Variants in ZNHIT1 observed in about 807,000 individuals in gnomAD.
ZNHIT1 encodes the protein zinc finger HIT domain-containing protein 1.
In ZNHIT1, 20 loss-of-function variants were observed where a neutral mutation model predicts 21.4. That is an observed-to-expected ratio of 0.93 (90% CI 0.66 to 1.36). The LOEUF is 1.36. Ranked by LOEUF, ZNHIT1 falls within the 40% of genes most tolerant of loss-of-function variation. ZNHIT1 has a pLI of 0.00. For synonymous variants in ZNHIT1, 79 were observed against 84.0 expected, an observed-to-expected ratio of 0.94 and a Z score of 0.32; for missense variants, 170 against 213.5, an observed-to-expected ratio of 0.80 and a Z score of 1.27.
chr7:101,218,194 C>T lies in ZNHIT1; in HGVS notation c.-2C>T, dbSNP rs10215517. The T allele has an allele frequency of 3.9e-3, 6,333 of 1,613,354 alleles. 213 individuals are homozygous for T. The African/African-American group carries it at 0.075, about 19-fold the overall frequency. On this transcript the variant is annotated 5_prime_UTR_variant, in exon 1 of 5. Coordinates refer to ENST00000305105, the MANE Select transcript of ZNHIT1 (RefSeq NM_006349.3). Reference sequence around the variant, plus strand: ...GTTTCTTCCGACAGTTGTGTTGTGCCAATGGTGGAGAAGAAAACTTCGGGT... The same window carrying T: ...GTTTCTTCCGACAGTTGTGTTGTGCTAATGGTGGAGAAGAAAACTTCGGGT...
intron 1 of ZNHIT1, chr7:101,219,226 C>T (rs1428544026): frequency 6.6e-6 from 1 of 151,932 alleles, no homozygotes; most frequent in African/African-American, 2.4e-5. Context: ...ACCTCAGCCA[C>T]CTGAGTAGGT....
chr7:101,222,340 C>T (rs770750248), intron 1 of ZNHIT1: 135 of 464,384 alleles, frequency 2.9e-4, no homozygotes, highest in Non-Finnish European at 4.4e-4. Flanking sequence ...GTCTCCAGGC[C>T]GGGGCTCACT....
In ZNHIT1 at chr7:101,223,059, A is replaced by G. The variant is rs117058217; in HGVS notation, c.193+285A>G. The stretch of plus-strand genomic sequence containing the variant: ...ATTGGGGTGGAGGGCAGAGGCTGGT[A>G]GCGAGGGGCCGACTTAGAGCCAGGA... On this transcript the variant is annotated intron_variant, in intron 2 of 4. Coordinates refer to ENST00000305105, the MANE Select transcript of ZNHIT1 (RefSeq NM_006349.3). 3.0e-3 allele frequency among the ~76,000 whole-genome samples: 457 copies of G among 152,302 alleles called. 12 individuals carry two copies. The East Asian group carries it at 0.059, about 20-fold the overall frequency.
In ZNHIT1 at chr7:101,223,742, C is replaced by A; in HGVS notation, c.343C>A (p.Pro115Thr). 6.2e-7 allele frequency: 1 copy of A among 1,614,044 alleles called. No homozygotes were observed. The highest frequency in any genetic ancestry group is 8.5e-7 in the Non-Finnish European group (1 of 1,179,982). The change falls in exon 4 of 5, where the codon CCC (proline) becomes ACC (threonine). Residue 115 changes from proline to threonine, a missense_variant. By Grantham distance (38) the Pro-to-Thr change is conservative. Transcript: ENST00000305105. The stretch of plus-strand genomic sequence containing the variant: ...GGGACCCCCATCGCGGCCCCAGCGC[C>A]CCTTCTGTGCTGTCTGTGGCTTCCC... ...CAGPPSRPQR[P>T]FCAVCGFPSP... is the part of the protein sequence containing the mutation.
chr7:101,223,403 G>A (rs1798403658), intron 2 of ZNHIT1, 74 bp from the exon 3 acceptor site: 6 of 1,516,558 alleles, frequency 4.0e-6, no homozygotes, highest in Non-Finnish European at 5.5e-6. Flanking sequence ...ACATGGGCAT[G>A]GGGAGTGATG....
In ZNHIT1 at chr7:101,224,011, A is replaced by G. The variant is rs1381134155; in HGVS notation, c.*53A>G. 1.2e-6 allele frequency: 2 copies of G among 1,613,628 alleles called. No individual in the cohort carries two copies. The highest frequency in any genetic ancestry group is 3.3e-5 in the Admixed American group (2 of 59,964). On this transcript the variant is annotated 3_prime_UTR_variant, in exon 5 of 5. Coordinates refer to ENST00000305105, the MANE Select transcript of ZNHIT1 (RefSeq NM_006349.3). ...CGCTGTGCACTGCCCGGCCTTCAGA[A>G]AGACAGAATTTCATCACCCAATGCA...
Position 101,223,731 on chromosome 7 carries a change from G to A in ZNHIT1, c.332G>A (p.Arg111Gln), listed in dbSNP as rs923115364. 8 of 1,613,532 alleles carry A rather than the reference G, an allele frequency of 5.0e-6. No homozygotes were observed. The highest frequency in any genetic ancestry group is 1.1e-5 in the South Asian group (1 of 91,040). The change falls in exon 4 of 5, where the codon CGG (arginine) becomes CAG (glutamine). Residue 111 changes from arginine to glutamine, a missense_variant. Coordinates refer to ENST00000305105, the MANE Select transcript of ZNHIT1 (RefSeq NM_006349.3). ...ACGGCCTGTGCGGGACCCCCATCGC[G>A]GCCCCAGCGCCCCTTCTGTGCTGTC... ...YLTACAGPPS[R>Q]PQRPFCAVCG... is the part of the protein sequence containing the mutation.
At chr7:101,221,457 C>T (rs2116821321) in intron 1 of ZNHIT1, 1 of 152,122 alleles carries the variant, frequency 6.6e-6, no homozygotes, top group East Asian at 2.0e-4. Context: ...CTCCTGGCAT[C>T]AAGCGATCCT....
At chr7:101,223,584 C>A (rs1798406644) in intron 3 of ZNHIT1, 28 bp downstream of exon 3, 1 of 1,614,142 alleles carries the variant, frequency 6.2e-7, no homozygotes. Flanking sequence ...CTGGGAGGAC[C>A]CCACAGGGAA....
Position 101,222,333 on chromosome 7 carries a change from T to C in ZNHIT1, c.23-271T>C, listed in dbSNP as rs1798382466. ...CCTCCCCAGTCAGCAGTGAGCTGTC[T>C]CCAGGCCGGGGCTCACTGGCTGGGA... On this transcript the variant is annotated intron_variant, in intron 1 of 4. Coordinates refer to ENST00000305105, the MANE Select transcript of ZNHIT1 (RefSeq NM_006349.3). 6.7e-6 allele frequency: 3 copies of C among 450,234 alleles called. No homozygotes were observed. The East Asian group carries it at 1.1e-4, about 16-fold the overall frequency. The allele number at this position is 450,234 out of a possible 1,614,324, so 27.9% of individuals were successfully genotyped here.
At chr7:101,221,447 C>G (rs1036625447) in intron 1 of ZNHIT1, 1 of 152,084 alleles carries the variant, frequency 6.6e-6, no homozygotes, top group African/African-American at 2.4e-5. Context: ...TGGTTTCTAA[C>G]TCCTGGCATC....
chr7:101,222,209 G>A (rs1323317400), intron 1 of ZNHIT1: 1 of 186,632 alleles, frequency 5.4e-6, no homozygotes. Flanking sequence ...CCAAGCATGG[G>A]TGGCCCCTGG....
intron 2 of ZNHIT1, 131 bp downstream of exon 2, chr7:101,222,905 C>A: frequency 1.7e-6 from 2 of 1,153,136 alleles, no homozygotes; most frequent in Non-Finnish European, 2.4e-6. Flanking sequence ...TGGCTGTGAG[C>A]AACCACACCC....
intron 2 of ZNHIT1, among the ~76,000 whole-genome samples, chr7:101,222,995 C>T (rs572879289): frequency 6.6e-5 from 10 of 152,260 alleles, no homozygotes; most frequent in Non-Finnish European, 1.0e-4. Context: ...AAGCCTTAGG[C>T]TTGGGGGCAT....
chr7:101,222,736 G>A lies in ZNHIT1; in HGVS notation c.155G>A (p.Gly52Asp). The change falls in exon 2 of 5, where the codon GGC becomes GAC. Residue 52 changes from glycine to aspartate, a missense_variant. Physicochemically the swap from Gly to Asp is moderately conservative, Grantham distance 94. Coordinates refer to ENST00000305105, the MANE Select transcript of ZNHIT1 (RefSeq NM_006349.3). ...CCCCACGCGGGACTCCCTCAGCTCG[G>A]CAAGAGACTGCCTCAGTTTGATGAC... The part of the protein sequence containing the change: ...DDPHAGLPQL[G>D]KRLPQFDDDA... 1 of 1,614,152 alleles carries A rather than the reference G, an allele frequency of 6.2e-7. No individual in the cohort carries two copies. The highest frequency in any genetic ancestry group is 8.5e-7 in the Non-Finnish European group (1 of 1,179,988).
chr7:101,223,837 G>T lies in ZNHIT1; in HGVS notation c.438G>T (p.Glu146Asp). ...TGCGCTGTCTGGGGACCCACCAGGA[G>T]ACCAGGTGAGCATGAGACCTGCTGT... The part of the protein sequence containing the change: ...CTVRCLGTHQ[E>D]TRCLKWTV The change falls in exon 4 of 5, where the codon GAG becomes GAT. Residue 146 changes from glutamate to aspartate, a missense_variant. Physicochemically the swap from Glu to Asp is conservative, Grantham distance 45. Coordinates refer to ENST00000305105, the MANE Select transcript of ZNHIT1 (RefSeq NM_006349.3). 6.2e-7 allele frequency: 1 copy of T among 1,614,122 alleles called. No homozygotes were observed. Among genetic ancestry groups the T allele is most frequent in the Non-Finnish European group, 8.5e-7 (1 of 1,179,992 alleles).
At chr7:101,219,469 C>CCG (rs1178847379) in intron 1 of ZNHIT1, 3 of 151,010 alleles carry the variant, frequency 2.0e-5, no homozygotes, top group Non-Finnish European at 2.9e-5. Context: ...CTCTGTCCCC[C>CCG]AGGCTGGAGT....
chr7:101,218,598 T>C (rs1188087402), intron 1 of ZNHIT1: 1 of 235,428 alleles, frequency 4.2e-6, no homozygotes, highest in African/African-American at 2.3e-5. Context: ...CGTAAATCCC[T>C]TCCTCAGCCC....
intron 1 of ZNHIT1, chr7:101,219,998 A>C (rs1798344988): frequency 6.6e-6 from 1 of 151,770 alleles, no homozygotes; most frequent in African/African-American, 2.4e-5. Context: ...TGTGTTTGCC[A>C]CTGGACTGTA....
Sources: allele counts gnomAD v4.1 joint callset (sites outside exome capture counted in the v4.1 genomes callset), GRCh38; gene constraint gnomAD v4.1.1; transcripts MANE v1.5; gene names NCBI Gene and HGNC (gene_info 2026-07-23, HGNC 2026-07-21).